XKR6: variants seen among roughly 807,000 people sequenced by gnomAD.
XKR6 encodes the protein XK related 6.
Under a neutral mutation model 56.7 loss-of-function variants are expected in XKR6, and 22 were observed. That is an observed-to-expected ratio of 0.39 (90% confidence interval 0.28 to 0.55). The LOEUF (loss-of-function observed/expected upper bound fraction) is 0.55, where lower values mean the gene tolerates loss of function less well. Ranked by LOEUF, XKR6 falls within the 20% of genes least tolerant of loss-of-function variation. The pLI, the probability that XKR6 is intolerant of heterozygous loss-of-function variation, is 0.66. For synonymous variants in XKR6, 524 were observed against 387.8 expected, an observed-to-expected ratio of 1.35 and a Z score of -4.13; for missense variants, 852 against 889.0, an observed-to-expected ratio of 0.96 and a Z score of 0.53.
intron 1 of XKR6, among the ~76,000 whole-genome samples, chr8:11,063,938 A>C (rs898188989): frequency 3.9e-5 from 6 of 152,246 alleles, no homozygotes; most frequent in African/African-American, 1.4e-4. Flanking sequence ...AATTTCCCTC[A>C]ATCTTCTGAA....
intron 1 of XKR6, among the ~76,000 whole-genome samples, chr8:11,126,797 G>A (rs1469390317): frequency 3.3e-5 from 5 of 152,130 alleles, no homozygotes; most frequent in Non-Finnish European, 5.9e-5. Flanking sequence ...CAGAGACCAG[G>A]AGATGTTAGA....
At position 10,984,732 on chromosome 8, in the gene XKR6, C is replaced by CTCTCTATATA; in HGVS notation, c.765-59903_765-59902insTATATAGAGA. Among the ~76,000 whole-genome samples, 111 of 47,464 alleles carry CTCTCTATATA rather than the reference C, an allele frequency of 2.3e-3. 2 individuals are homozygous for CTCTCTATATA. The highest frequency in any genetic ancestry group is 4.7e-3 in the African/African-American group (52 of 11,096). The allele number at this position is 47,464 out of a possible 152,430, so 31.1% of individuals were successfully genotyped here. On this transcript the variant is annotated intron_variant, in intron 1 of 2. Coordinates refer to ENST00000416569, the MANE Select transcript of XKR6 (RefSeq NM_173683.4). The stretch of plus-strand genomic sequence containing the variant: ...TCTCTCTCTCTCTCTCTCTCTCTCT[C>CTCTCTATATA]TATATATATATATATATATATATAT...
chr8:11,114,119 A>T (rs769828672), intron 1 of XKR6: 1 of 437,832 alleles, frequency 2.3e-6, no homozygotes, highest in South Asian at 1.7e-5. Flanking sequence ...ATGTGAATGA[A>T]CAAATGAGCA....
intron 1 of XKR6, among the ~76,000 whole-genome samples, chr8:11,030,565 G>A (rs1285263433): frequency 6.6e-6 from 1 of 152,178 alleles, no homozygotes; most frequent in Non-Finnish European, 1.5e-5. Context: ...GTGCCCGAGT[G>A]CCAACCCACC....
chr8:11,161,626 C>T (rs1801818227), intron 1 of XKR6, among the ~76,000 whole-genome samples: 3 of 152,232 alleles, frequency 2.0e-5, no homozygotes, highest in Admixed American at 2.0e-4. Context: ...TCATCTTTCT[C>T]ATATACTGTA....
chr8:11,065,167 C>T (rs1258205321), intron 1 of XKR6, among the ~76,000 whole-genome samples: 2 of 152,172 alleles, frequency 1.3e-5, no homozygotes, highest in African/African-American at 4.8e-5. Flanking sequence ...GTAATGAACA[C>T]AATGGAGTAC....
chr8:11,009,926 A>G (rs983031550), intron 1 of XKR6, among the ~76,000 whole-genome samples: 3 of 152,156 alleles, frequency 2.0e-5, no homozygotes, highest in Admixed American at 2.0e-4. Flanking sequence ...CTATAAATCT[A>G]AAACTGTTCT....
At chr8:10,903,292 G>C (rs1375494162) in intron 2 of XKR6, among the ~76,000 whole-genome samples, 1 of 152,184 alleles carries the variant, frequency 6.6e-6, no homozygotes, top group Non-Finnish European at 1.5e-5. Context: ...CTTCCTCAGA[G>C]GGCCATCAGC....
chr8:11,083,164 A>G (rs1797783020), intron 1 of XKR6, among the ~76,000 whole-genome samples: 1 of 152,168 alleles, frequency 6.6e-6, no homozygotes, highest in African/African-American at 2.4e-5. Context: ...CCAGCACTTC[A>G]AAGTGCCCGT....
chr8:11,196,059 G>C (rs1803869106), intron 1 of XKR6, among the ~76,000 whole-genome samples: 1 of 151,682 alleles, frequency 6.6e-6, no homozygotes, highest in African/African-American at 2.4e-5. Context: ...GCCCACAAAT[G>C]CAAGTATACA....
Position 11,100,473 on chromosome 8 carries a change from A to T in XKR6, c.764+100103T>A, listed in dbSNP as rs575951435. On this transcript the variant is annotated intron_variant, in intron 1 of 2. Transcript: ENST00000416569. ...CACTCATTGTGTTTAGTACGCAATG[A>T]TTTAGTCTACAAACTATCGTGAGAT... Among the ~76,000 whole-genome samples, 523 of 152,354 alleles carry T rather than the reference A, an allele frequency of 3.4e-3. 6 individuals are homozygous for T. The highest frequency in any genetic ancestry group is 0.012 in the African/African-American group (507 of 41,580).
intron 1 of XKR6, among the ~76,000 whole-genome samples, chr8:11,087,105 G>T (rs1797915927): frequency 1.3e-5 from 2 of 152,076 alleles, no homozygotes; most frequent in Admixed American, 1.3e-4. Context: ...TCTGTTTCTG[G>T]CTCTAAACTC....
In XKR6 at chr8:10,923,301, T is replaced by C. The variant is rs997176865; in HGVS notation, c.961+1333A>G. On this transcript the variant is annotated intron_variant, in intron 2 of 2. Transcript: ENST00000416569. ...TGCTTCTGTGATGGACCAGCAGGAC[T>C]GCAGCCAGCATTTTGTGGGATGGAC... Among the ~76,000 whole-genome samples the C allele has an allele frequency of 3.3e-5, 5 of 152,206 alleles. No individual in the cohort carries two copies. In the East Asian group the frequency reaches 7.7e-4, roughly 23 times the overall value.
At chr8:11,106,073 A>G (rs1406383416) in intron 1 of XKR6, 1 of 152,244 alleles carries the variant, frequency 6.6e-6, no homozygotes, top group Non-Finnish European at 1.5e-5. Flanking sequence ...AGCTACATAC[A>G]TAAAGGAAAA....
intron 1 of XKR6, among the ~76,000 whole-genome samples, chr8:10,949,630 A>C (rs1801659143): frequency 6.6e-6 from 1 of 152,242 alleles, no homozygotes; most frequent in South Asian, 2.1e-4. Flanking sequence ...AATGTGACTG[A>C]AGGCAGTATG....
chr8:11,150,719 G>A (rs1393767587), intron 1 of XKR6, among the ~76,000 whole-genome samples: 1 of 151,994 alleles, frequency 6.6e-6, no homozygotes, highest in East Asian at 1.9e-4. Flanking sequence ...TGGGTGTGGT[G>A]GCGGGCGCCT....
intron 1 of XKR6, among the ~76,000 whole-genome samples, chr8:11,141,362 T>G (rs1209899402): frequency 6.6e-6 from 1 of 152,110 alleles, no homozygotes; most frequent in Non-Finnish European, 1.5e-5. Flanking sequence ...TAATTAGGTT[T>G]AGATGAGGTC....
chr8:10,924,618 G>T lies in XKR6; in HGVS notation c.961+16C>A, dbSNP rs567404688. ...GGGCAGGCCGGGGTGGCGGGGCGCGGCCGGCGGGCACTCACAGGGCAGGGT... is the reference window on the plus strand; with the variant it reads ...GGGCAGGCCGGGGTGGCGGGGCGCGTCCGGCGGGCACTCACAGGGCAGGGT... On this transcript the variant is annotated intron_variant, in intron 2 of 2. Transcript: ENST00000416569. 4 of 1,591,780 alleles carry T rather than the reference G, an allele frequency of 2.5e-6. No individual in the cohort carries two copies. Among genetic ancestry groups the T allele is most frequent in the Non-Finnish European group, 3.4e-6 (4 of 1,165,668 alleles).
At chr8:11,044,951 C>G (rs959740340) in intron 1 of XKR6, among the ~76,000 whole-genome samples, 8 of 151,784 alleles carry the variant, frequency 5.3e-5, no homozygotes, top group Non-Finnish European at 8.8e-5. Flanking sequence ...AAAATGAAGG[C>G]TTAGAGAAGA....
Sources: allele counts gnomAD v4.1 joint callset (sites outside exome capture counted in the v4.1 genomes callset), GRCh38; gene constraint gnomAD v4.1.1; transcripts MANE v1.5; gene names NCBI Gene and HGNC (gene_info 2026-07-23, HGNC 2026-07-21).